PPIH: variants seen among roughly 807,000 people sequenced by gnomAD.
PPIH encodes peptidylprolyl isomerase H, also known as peptidyl-prolyl cis-trans isomerase H.
A neutral mutation model predicts 27.6 loss-of-function variants in PPIH; 16 were observed. The ratio of observed to expected loss-of-function variants is 0.58; its 90% CI spans 0.39 to 0.88. PPIH has a LOEUF of 0.88. Ranked by LOEUF, PPIH falls within the 40% of genes least tolerant of loss-of-function variation. The pLI is 0.00. For missense variants in PPIH, 155 were observed against 224.1 expected (o/e 0.69, Z 1.97); for synonymous variants, 63 against 76.1 (o/e 0.83, Z 0.90).
At chr1:42,679,171 T>C (rs1473715907), downstream of PPIH, among the ~76,000 whole-genome samples, 1 of 152,188 alleles carries the variant, frequency 6.6e-6, no homozygotes, top group African/African-American at 2.4e-5. Context: ...GAACTATTGG[T>C]GCTTGTAGAG....
chr1:42,667,419 G>A lies in PPIH; in HGVS notation c.534G>A (p.Ter178=), dbSNP rs1182911634. The A allele has an allele frequency of 2.5e-6, 4 of 1,594,224 alleles. No individual in the cohort carries two copies. Among genetic ancestry groups the A allele is most frequent in the African/African-American group, 1.3e-5 (1 of 74,318 alleles). ...TGATCTCGCAGTGTGGGGAGATGTA[G>A]TCCAGACAAAGACTGAATCAGGTAA... ...PVVISQCGEM[*] is the part of the protein sequence containing the mutation. Residue 178 remains the stop codon, a stop_retained_variant, in exon 9 of 10, where the codon TAG becomes TAA. Coordinates refer to ENST00000304979, the MANE Select transcript of PPIH (RefSeq NM_006347.4).
intron 9 of PPIH, among the ~76,000 whole-genome samples, chr1:42,671,027 C>A (rs1341918201): frequency 2.0e-5 from 3 of 152,170 alleles, no homozygotes; most frequent in Non-Finnish European, 4.4e-5. Context: ...AACTCCTAAG[C>A]TCAGGTAATC....
chr1:42,674,934 A>C (rs988361904), intron 9 of PPIH, among the ~76,000 whole-genome samples: 2 of 152,224 alleles, frequency 1.3e-5, no homozygotes, highest in Non-Finnish European at 2.9e-5. Flanking sequence ...AGCTGCTTGC[A>C]TTGCAGCCAA....
intron 1 of PPIH, 67 bp from the exon 2 acceptor site, chr1:42,658,777 G>GC (rs1382292553): frequency 5.2e-6 from 8 of 1,549,860 alleles, no homozygotes; most frequent in Non-Finnish European, 7.1e-6. Flanking sequence ...AGCCCATCAT[G>GC]CCCCCTGCTC....
chr1:42,669,154 G>A (rs1388584397), intron 9 of PPIH, among the ~76,000 whole-genome samples: 21 of 147,214 alleles, frequency 1.4e-4, no homozygotes, highest in Non-Finnish European at 2.8e-4. Flanking sequence ...AGGCTGCAGT[G>A]AGCTATAATC....
At chr1:42,675,332 G>A (rs908183377) in intron 9 of PPIH, 2 of 152,270 alleles carry the variant, frequency 1.3e-5, no homozygotes, top group African/African-American at 4.8e-5. Flanking sequence ...CATCAGGTGT[G>A]AATCCATTGC....
intron 6 of PPIH, 125 bp from the exon 7 acceptor site, chr1:42,665,855 G>A (rs1206131857): frequency 1.3e-6 from 1 of 756,256 alleles, no homozygotes; most frequent in Non-Finnish European, 2.3e-6. Context: ...GCTCATAATA[G>A]GTGCTAAGTT....
intron 5 of PPIH, among the ~76,000 whole-genome samples, chr1:42,663,985 T>G (rs1649192473): frequency 6.6e-6 from 1 of 152,194 alleles, no homozygotes; most frequent in East Asian, 1.9e-4. Context: ...GTCAAATTGT[T>G]TTATTACCCA....
At chr1:42,670,967 T>G (rs1381380554) in intron 9 of PPIH, among the ~76,000 whole-genome samples, 1 of 152,142 alleles carries the variant, frequency 6.6e-6, no homozygotes, top group African/African-American at 2.4e-5. Flanking sequence ...GGCTATTTTT[T>G]GTATTTTTAG....
downstream of PPIH, among the ~76,000 whole-genome samples, chr1:42,679,817 G>A (rs1649977505): frequency 6.6e-6 from 1 of 152,198 alleles, no homozygotes; most frequent in Admixed American, 6.5e-5. Flanking sequence ...ATCTGGAGCT[G>A]GAACACATGA....
At position 42,658,827 on chromosome 1, in the gene PPIH, T is replaced by G. The variant is rs1648820277; in HGVS notation, c.67-17T>G. 6.2e-7 allele frequency: 1 copy of G among 1,613,864 alleles called. No individual in the cohort carries two copies. Among genetic ancestry groups the G allele is most frequent in the Non-Finnish European group, 8.5e-7 (1 of 1,179,878 alleles). On this transcript the variant is annotated splice_polypyrimidine_tract_variant and intron_variant, in intron 1 of 9. Coordinates refer to ENST00000304979, the MANE Select transcript of PPIH (RefSeq NM_006347.4). ...GGTCTTGGACTGGGCCTTCTGACAC[T>G]CTCCCGCTGATTGCAGGAAGTTGGC...
chr1:42,665,839 G>A (rs1429157758), intron 6 of PPIH, 141 bp from the exon 7 acceptor site: 22 of 685,022 alleles, frequency 3.2e-5, no homozygotes, highest in South Asian at 1.4e-4. Flanking sequence ...CCTAGCTTAG[G>A]CCCTGGCTCA....
At chr1:42,668,083 A>G (rs1181579924) in intron 9 of PPIH, among the ~76,000 whole-genome samples, 1 of 152,236 alleles carries the variant, frequency 6.6e-6, no homozygotes, top group Non-Finnish European at 1.5e-5. Context: ...AGAGGTGATC[A>G]CTAGTAATAT....
chr1:42,658,983 G>C, intron 2 of PPIH, 75 bp downstream of exon 2: 18 of 1,492,034 alleles, frequency 1.2e-5, no homozygotes, highest in Non-Finnish European at 1.6e-5. Flanking sequence ...GAAATAGCCT[G>C]TCTACCTCTG....
At chr1:42,678,797 A>G (rs182463346), downstream of PPIH, 1 of 152,282 alleles carries the variant, frequency 6.6e-6, no homozygotes, top group African/African-American at 2.4e-5. Context: ...TATTTGTTGC[A>G]TGAATGATAG....
chr1:42,659,387 C>A (rs1448358278), intron 3 of PPIH, 135 bp from the exon 4 acceptor site: 4 of 1,614,178 alleles, frequency 2.5e-6, no homozygotes, highest in Non-Finnish European at 3.4e-6. Flanking sequence ...CCCCAAGGGT[C>A]TGTCCCTAGT....
intron 9 of PPIH, among the ~76,000 whole-genome samples, chr1:42,668,547 T>A (rs2148719867): frequency 6.6e-6 from 1 of 152,322 alleles, no homozygotes; most frequent in Admixed American, 6.5e-5. Flanking sequence ...ATAGTACATT[T>A]TCAAACCTCC....
chr1:42,670,809 T>G (rs190873316), intron 9 of PPIH, among the ~76,000 whole-genome samples: 5,282 of 152,252 alleles, frequency 0.035, 143 homozygotes, highest in Admixed American at 0.051. Context: ...ATTTTTTATT[T>G]TTTTGAGATG....
chr1:42,674,355 G>A (rs1253817602), intron 9 of PPIH, among the ~76,000 whole-genome samples: 1 of 152,256 alleles, frequency 6.6e-6, no homozygotes, highest in East Asian at 1.9e-4. Context: ...AGCAGGAAGT[G>A]TAGAGGAAGC....
Sources: allele counts gnomAD v4.1 joint callset (sites outside exome capture counted in the v4.1 genomes callset), GRCh38; gene constraint gnomAD v4.1.1; transcripts MANE v1.5; gene names NCBI Gene and HGNC (gene_info 2026-07-23, HGNC 2026-07-21).